Variants in GPR83 observed in about 807,000 individuals in gnomAD.
GPR83 encodes the protein G protein-coupled receptor 83, also known as G-protein coupled receptor 72.
Under a neutral mutation model 28.0 loss-of-function variants are expected in GPR83, and 23 were observed. That is an observed-to-expected ratio of 0.82 (90% CI 0.59 to 1.16). The LOEUF (loss-of-function observed/expected upper bound fraction) is 1.16. Ranked by LOEUF, GPR83 falls within the 50% of genes most tolerant of loss-of-function variation. The pLI is 0.00. For synonymous variants in GPR83, 234 were observed against 215.4 expected, an observed-to-expected ratio of 1.09 and a Z score of -0.76; for missense variants, 610 against 536.6, an observed-to-expected ratio of 1.14 and a Z score of -1.35.
At chr11:94,381,764 G>A (rs971576905) in intron 3 of GPR83, among the ~76,000 whole-genome samples, 1 of 152,086 alleles carries the variant, frequency 6.6e-6, no homozygotes, top group Non-Finnish European at 1.5e-5. Context: ...TTGGTCGGGA[G>A]TTTCCAATTT....
intron 3 of GPR83, among the ~76,000 whole-genome samples, chr11:94,382,020 C>T (rs1001672007): frequency 3.3e-5 from 5 of 152,122 alleles, no homozygotes; most frequent in African/African-American, 1.2e-4. Context: ...GGTGTACCTG[C>T]CTTTATCACA....
rs1356473853 is a variant in GPR83, at chr11:94,378,857, GT to G, written c.*1291del. 6.6e-6 allele frequency: 1 copy of G among 152,230 alleles called. No homozygotes were observed. Among genetic ancestry groups the G allele is most frequent in the Non-Finnish European group, 1.5e-5 (1 of 68,042 alleles). 9.4% of individuals were successfully genotyped at this position (152,230 alleles called of 1,614,324 possible). The stretch of plus-strand genomic sequence containing the variant: ...AGGAGAGAAGGAATCATGCCTCCTG[GT>G]TGAGTTTGATTCCCTGGTTCATCTT... On this transcript the variant is annotated 3_prime_UTR_variant, in exon 4 of 4. Coordinates refer to ENST00000243673, the MANE Select transcript of GPR83 (RefSeq NM_016540.4).
rs1944647666 is a variant in GPR83 at position 94,378,773 on chromosome 11, C to A, written c.*1376G>T. 1 of 152,478 alleles carries A rather than the reference C, an allele frequency of 6.6e-6. No homozygotes were observed. Among genetic ancestry groups the A allele is most frequent in the Non-Finnish European group, 1.5e-5 (1 of 68,022 alleles). 9.4% of individuals were successfully genotyped at this position (152,478 alleles called of 1,614,324 possible). ...CTTCCAGCATATTGGAAAGCCTGCT[C>A]CCTCATCTCTTGTGAAAACAGAACA... On this transcript the variant is annotated 3_prime_UTR_variant, in exon 4 of 4. Coordinates refer to ENST00000243673, the MANE Select transcript of GPR83 (RefSeq NM_016540.4).
chr11:94,397,772 T>G (rs887726600), intron 1 of GPR83, among the ~76,000 whole-genome samples: 1 of 152,176 alleles, frequency 6.6e-6, no homozygotes, highest in African/African-American at 2.4e-5. Context: ...CATGTGGAGA[T>G]GAGGACAAAA....
At chr11:94,383,475 T>G (rs1024724298) in intron 3 of GPR83, among the ~76,000 whole-genome samples, 4 of 151,756 alleles carry the variant, frequency 2.6e-5, no homozygotes, top group African/African-American at 9.7e-5. Flanking sequence ...AGGCAAGAAA[T>G]AACAAAGATC....
intron 3 of GPR83, among the ~76,000 whole-genome samples, chr11:94,390,601 A>T (rs1944808184): frequency 1.3e-5 from 2 of 152,216 alleles, no homozygotes; most frequent in Non-Finnish European, 2.9e-5. Flanking sequence ...AATCTCCTTA[A>T]GCTGATAAGC....
intron 3 of GPR83, among the ~76,000 whole-genome samples, chr11:94,384,402 T>C (rs1460875380): frequency 1.3e-5 from 2 of 152,112 alleles, no homozygotes; most frequent in Admixed American, 6.5e-5. Context: ...AGTCTACAGC[T>C]CCCAGTGTGA....
intron 3 of GPR83, among the ~76,000 whole-genome samples, chr11:94,391,013 C>T (rs527596942): frequency 6.6e-6 from 1 of 152,122 alleles, no homozygotes; most frequent in Non-Finnish European, 1.5e-5. Context: ...CCCGCATTGC[C>T]AAGACATTCC....
At chr11:94,383,797 C>T (rs1287845874) in intron 3 of GPR83, among the ~76,000 whole-genome samples, 1 of 151,994 alleles carries the variant, frequency 6.6e-6, no homozygotes, top group Non-Finnish European at 1.5e-5. Context: ...AAGTCAAATC[C>T]CTGAATAAAC....
In GPR83 at chr11:94,377,385, A is replaced by G. The variant is rs1319942345; in HGVS notation, c.*2764T>C. On this transcript the variant is annotated 3_prime_UTR_variant, in exon 4 of 4. Coordinates refer to ENST00000243673, the MANE Select transcript of GPR83 (RefSeq NM_016540.4). ...TAAAACACTTTACAGCACATTGGAAAAACTCAAGTTTCACAAATTTTACAT... is the reference window on the plus strand; with the variant it reads ...TAAAACACTTTACAGCACATTGGAAGAACTCAAGTTTCACAAATTTTACAT... 6.6e-6 allele frequency: 1 copy of G among 152,212 alleles called. No homozygotes were observed. The highest frequency in any genetic ancestry group is 1.5e-5 in the Non-Finnish European group (1 of 68,036). The allele number at this position is 152,212 out of a possible 1,614,324, so 9.4% of individuals were successfully genotyped here.
intron 3 of GPR83, among the ~76,000 whole-genome samples, chr11:94,381,695 G>A (rs1461493830): frequency 2.6e-5 from 4 of 151,988 alleles, no homozygotes; most frequent in Non-Finnish European, 5.9e-5. Context: ...GATCTTCTAG[G>A]TGCCTAGGAC....
chr11:94,390,722 A>T (rs1944809375), intron 3 of GPR83, among the ~76,000 whole-genome samples: 1 of 152,196 alleles, frequency 6.6e-6, no homozygotes, highest in Non-Finnish European at 1.5e-5. Flanking sequence ...TCCCACTCAC[A>T]ATTGCTACTA....
intron 3 of GPR83, among the ~76,000 whole-genome samples, chr11:94,388,191 C>T (rs749592750): frequency 6.6e-5 from 10 of 152,148 alleles, no homozygotes; most frequent in Non-Finnish European, 1.5e-4. Flanking sequence ...TAAGAGCTAT[C>T]TATGACAAAC....
intron 3 of GPR83, among the ~76,000 whole-genome samples, chr11:94,392,026 A>G (rs1223114528): frequency 6.6e-6 from 1 of 152,142 alleles, no homozygotes; most frequent in Non-Finnish European, 1.5e-5. Context: ...ACGCACACAT[A>G]TGTTTATTGC....
At chr11:94,384,371 T>C (rs149777464) in intron 3 of GPR83, among the ~76,000 whole-genome samples, 1,567 of 152,264 alleles carry the variant, frequency 0.01, 33 homozygotes, top group African/African-American at 0.036. Flanking sequence ...GGTTCCAAGA[T>C]GGCCGAATAG....
chr11:94,398,876 T>C (rs1421334407), intron 1 of GPR83, among the ~76,000 whole-genome samples: 2 of 152,138 alleles, frequency 1.3e-5, no homozygotes, highest in African/African-American at 4.8e-5. Flanking sequence ...CAAGTTTGGA[T>C]TGGGGCAGCT....
rs1228450434 is a variant in GPR83 at position 94,378,001 on chromosome 11, C to T, written c.*2148G>A. 1 of 152,198 alleles carries T rather than the reference C, an allele frequency of 6.6e-6. No homozygotes were observed. Among genetic ancestry groups the T allele is most frequent in the East Asian group, 1.9e-4 (1 of 5,196 alleles). 9.4% of individuals were successfully genotyped at this position (152,198 alleles called of 1,614,324 possible). ...TGTCTCATTCTGGTTCACAGAATTT[C>T]TATGGCAGCTTTCAGATGAAACCAT... On this transcript the variant is annotated 3_prime_UTR_variant, in exon 4 of 4. Transcript: ENST00000243673.
rs1240156826 is a variant in GPR83 at position 94,393,990 on chromosome 11, A to T, written c.514-372T>A. On this transcript the variant is annotated intron_variant, in intron 2 of 3. Transcript: ENST00000243673. ...GCCCCACTCAACAGCCCACCTCCAG[A>T]AGAGGAAAGAAAGGGTCATCTGGAT... Among the ~76,000 whole-genome samples, 3 of 152,016 alleles carry T rather than the reference A, an allele frequency of 2.0e-5. No homozygotes were observed. In the East Asian group the frequency reaches 5.8e-4, roughly 29 times the overall value.
At chr11:94,397,419 T>C (rs529715571) in intron 1 of GPR83, among the ~76,000 whole-genome samples, 1 of 152,256 alleles carries the variant, frequency 6.6e-6, no homozygotes, top group Non-Finnish European at 1.5e-5. Flanking sequence ...CTGTAGAGAC[T>C]GATTAAAGGG....
Sources: allele counts gnomAD v4.1 joint callset (sites outside exome capture counted in the v4.1 genomes callset), GRCh38; gene constraint gnomAD v4.1.1; transcripts MANE v1.5; gene names NCBI Gene and HGNC (gene_info 2026-07-23, HGNC 2026-07-21).